Variants in STMN2 observed in about 807,000 individuals in gnomAD.
STMN2 encodes the protein stathmin-2.
Under a neutral mutation model 24.1 loss-of-function variants are expected in STMN2, and 2 were observed. That is an observed-to-expected ratio of 0.08 (90% CI 0.03 to 0.26). STMN2 has a LOEUF of 0.26. Ranked by LOEUF, STMN2 falls within the 10% of genes least tolerant of loss-of-function variation. STMN2 has a pLI of 1.00. For synonymous variants in STMN2, 83 were observed against 77.5 expected (o/e 1.07, Z -0.37); for missense variants, 114 against 213.6 (o/e 0.53, Z 2.91).
intron 1 of STMN2, among the ~76,000 whole-genome samples, chr8:79,613,032 C>T (rs1323494350): frequency 6.6e-6 from 1 of 152,120 alleles, no homozygotes; most frequent in Non-Finnish European, 1.5e-5. Flanking sequence ...CACAAAGGCG[C>T]GGCCCCACCC....
At position 79,636,819 on chromosome 8, in the gene STMN2, A is replaced by G. The variant is rs1490429896; in HGVS notation, c.37A>G (p.Lys13Glu). 1 of 1,613,756 alleles carries G rather than the reference A, an allele frequency of 6.2e-7. No homozygotes were observed. Among genetic ancestry groups the G allele is most frequent in the Non-Finnish European group, 8.5e-7 (1 of 1,179,750 alleles). Residue 13 changes from lysine to glutamate, a missense_variant, in exon 2 of 5, where the codon AAG becomes GAG. By Grantham distance (56) the Lys-to-Glu change is moderately conservative. Coordinates refer to ENST00000220876, the MANE Select transcript of STMN2 (RefSeq NM_007029.4). ...CATTTCAGCCTACAAGGAAAAAATG[A>G]AGGAGCTGTCCATGCTGTCACTGAT... Reference protein sequence around the residue: ...KTAMAYKEKMKELSMLSLICS... With the variant: ...KTAMAYKEKMEELSMLSLICS...
At chr8:79,619,122 G>A (rs1241687227) in intron 1 of STMN2, among the ~76,000 whole-genome samples, 1 of 151,658 alleles carries the variant, frequency 6.6e-6, no homozygotes, top group African/African-American at 2.4e-5. Flanking sequence ...TGCCCATTTA[G>A]CAGTTATTCT....
intron 4 of STMN2, among the ~76,000 whole-genome samples, chr8:79,661,278 C>T (rs576538160): frequency 6.6e-6 from 1 of 152,266 alleles, no homozygotes; most frequent in South Asian, 2.1e-4. Context: ...CCCTTTTCAT[C>T]ACACCCATGC....
At chr8:79,622,006 G>T (rs557620407) in intron 1 of STMN2, among the ~76,000 whole-genome samples, 6 of 152,110 alleles carry the variant, frequency 3.9e-5, no homozygotes, top group Non-Finnish European at 8.8e-5. Context: ...GAACTCAAAC[G>T]AATGTAAAAT....
intron 1 of STMN2, among the ~76,000 whole-genome samples, chr8:79,622,410 T>C (rs1279762273): frequency 6.6e-6 from 1 of 152,228 alleles, no homozygotes; most frequent in African/African-American, 2.4e-5. Context: ...CTACATGTAT[T>C]ACAAATCTAC....
At chr8:79,650,924 GC>G (rs1293110506) in intron 3 of STMN2, among the ~76,000 whole-genome samples, 1 of 152,082 alleles carries the variant, frequency 6.6e-6, no homozygotes, top group East Asian at 1.9e-4. Context: ...GAGCAACAAA[GC>G]AAGACCCTGT....
chr8:79,619,962 T>C (rs1426484101), intron 1 of STMN2, among the ~76,000 whole-genome samples: 2 of 151,602 alleles, frequency 1.3e-5, no homozygotes, highest in African/African-American at 2.4e-5. Context: ...AAAAGAAAAA[T>C]TAAATCGCAT....
intron 3 of STMN2, 70 bp from the exon 4 acceptor site, chr8:79,654,801 A>G: frequency 2.0e-6 from 3 of 1,521,624 alleles, no homozygotes; most frequent in Non-Finnish European, 1.8e-6. Flanking sequence ...GCTCCCTCCA[A>G]TTGGTGGGCC....
rs140356045 is a variant in STMN2, at chr8:79,662,019, G to A, written c.481-2796G>A. 4.3e-3 allele frequency among the ~76,000 whole-genome samples: 656 copies of A among 152,146 alleles called. 7 individuals carry two copies. The highest frequency in any genetic ancestry group is 0.015 in the African/African-American group (625 of 41,528). ...CCTAGGTCATATAGTCCAAGTCCTT[G>A]TTTATATTTGATACCTAGTGAGATT... is the stretch of plus-strand genomic sequence containing the variant. On this transcript the variant is annotated intron_variant, in intron 4 of 4. Coordinates refer to ENST00000220876, the MANE Select transcript of STMN2 (RefSeq NM_007029.4).
intron 2 of STMN2, among the ~76,000 whole-genome samples, chr8:79,639,147 A>C (rs1044729739): frequency 1.3e-5 from 2 of 152,210 alleles, no homozygotes; most frequent in Non-Finnish European, 2.9e-5. Flanking sequence ...CAGGCTGCTA[A>C]AAGAACATTA....
At position 79,664,166 on chromosome 8, in the gene STMN2, A is replaced by G. The variant is rs535142627; in HGVS notation, c.481-649A>G. 2.6e-4 allele frequency among the ~76,000 whole-genome samples: 39 copies of G among 152,364 alleles called. No individual in the cohort carries two copies. The South Asian group carries it at 7.7e-3, about 30-fold the overall frequency. On this transcript the variant is annotated intron_variant, in intron 4 of 4. Coordinates refer to ENST00000220876, the MANE Select transcript of STMN2 (RefSeq NM_007029.4). ...TTTGCAGGTTAGTCTTTGCAGTCTC[A>G]TAAAAATCTTTATGGAGAAAAGGAC...
At chr8:79,660,381 G>C (rs964186740) in intron 4 of STMN2, among the ~76,000 whole-genome samples, 1 of 152,120 alleles carries the variant, frequency 6.6e-6, no homozygotes, top group African/African-American at 2.4e-5. Flanking sequence ...GTATCGTTTA[G>C]AAAGGAGAGA....
chr8:79,662,421 G>A (rs1425227615), intron 4 of STMN2, among the ~76,000 whole-genome samples: 1 of 152,028 alleles, frequency 6.6e-6, no homozygotes, highest in African/African-American at 2.4e-5. Context: ...TCAAGGTCTA[G>A]TAATTGCAAA....
chr8:79,663,642 G>T (rs761408655), intron 4 of STMN2: 1 of 1,529,522 alleles, frequency 6.5e-7, no homozygotes, highest in South Asian at 1.2e-5. Context: ...TGGAGCTTCA[G>T]AGGGAAGGAG....
intron 1 of STMN2, chr8:79,613,582 C>T: frequency 4.1e-6 from 4 of 985,470 alleles, no homozygotes; most frequent in Non-Finnish European, 4.8e-6. Context: ...GCTGCAAACT[C>T]ATCGTCATCA....
chr8:79,643,228 CTA>C lies in STMN2; in HGVS notation c.288+1697_288+1698del, dbSNP rs34434345. Among the ~76,000 whole-genome samples, 1,150 of 141,968 alleles carry C rather than the reference CTA, an allele frequency of 8.1e-3. 9 individuals carry two copies. The highest frequency in any genetic ancestry group is 0.026 in the African/African-American group (1,022 of 38,974). 93.1% of individuals were successfully genotyped at this position (141,968 alleles called of 152,430 possible). A position where few individuals can be genotyped will look rare whatever the true frequency, so the allele number is the denominator to read the frequency against. On this transcript the variant is annotated intron_variant, in intron 3 of 4. Transcript: ENST00000220876. ...ACAGGAACCTGAGCTACTAACTCGA[CTA>C]TATATATATATATATATACAGGAAG...
intron 3 of STMN2, among the ~76,000 whole-genome samples, chr8:79,652,343 T>C (rs60687172): frequency 0.011 from 1,716 of 152,268 alleles, 39 homozygotes; most frequent in African/African-American, 0.04. Flanking sequence ...TGTATTGAAT[T>C]TTCTAAAATG....
intron 2 of STMN2, among the ~76,000 whole-genome samples, chr8:79,639,546 G>A (rs1408629868): frequency 1.3e-5 from 2 of 152,166 alleles, no homozygotes; most frequent in Non-Finnish European, 2.9e-5. Flanking sequence ...TGTCCTAGCA[G>A]GTGCTAGCTG....
intron 2 of STMN2, among the ~76,000 whole-genome samples, chr8:79,640,520 C>T (rs1328594379): frequency 1.3e-5 from 2 of 152,216 alleles, no homozygotes; most frequent in East Asian, 1.9e-4. Flanking sequence ...GCCACTCCCT[C>T]CTCCACCACA....
Sources: gnomAD v4.1 joint callset for allele counts (sites outside exome capture counted in the v4.1 genomes callset) on GRCh38, gnomAD v4.1.1 for gene constraint, MANE v1.5 for transcripts, NCBI Gene and HGNC (gene_info 2026-07-23, HGNC 2026-07-21) for gene names.